The following ADAMTSL3 variants were observed in gnomAD, a reference collection of about 807,000 sequenced individuals.
ADAMTSL3 encodes ADAMTS like 3.
Under a neutral mutation model 201.7 loss-of-function variants are expected in ADAMTSL3, and 128 were observed. That is an observed-to-expected ratio of 0.63 (90% CI 0.55 to 0.73). The LOEUF is 0.73. ADAMTSL3 is among the 30% of genes least tolerant of loss of function. The probability of loss-of-function intolerance (pLI) is 0.00; values close to 1 mark genes in which losing one functional copy is unlikely to be tolerated. For synonymous variants in ADAMTSL3, 738 were observed against 748.4 expected, an observed-to-expected ratio of 0.99 and a Z score of 0.23; for missense variants, 1,990 against 2,119.6, an observed-to-expected ratio of 0.94 and a Z score of 1.20.
intron 4 of ADAMTSL3, among the ~76,000 whole-genome samples, chr15:83,773,940 G>C (rs1022475828): frequency 2.0e-5 from 3 of 152,176 alleles, no homozygotes; most frequent in African/African-American, 7.2e-5. Flanking sequence ...AAGAGTTGGA[G>C]CAAGAGGTCA....
intron 2 of ADAMTSL3, among the ~76,000 whole-genome samples, chr15:83,656,387 A>G (rs762321199): frequency 6.6e-6 from 1 of 152,354 alleles, no homozygotes; most frequent in Non-Finnish European, 1.5e-5. Context: ...ATTGCCTAAG[A>G]GACAATAGAG....
intron 3 of ADAMTSL3, among the ~76,000 whole-genome samples, chr15:83,731,220 A>G (rs1376677987): frequency 1.3e-5 from 2 of 152,030 alleles, no homozygotes; most frequent in African/African-American, 4.8e-5. Flanking sequence ...AGGAAGTGTG[A>G]TGCTTCCAAC....
intron 2 of ADAMTSL3, among the ~76,000 whole-genome samples, chr15:83,686,769 C>G (rs1034527778): frequency 1.3e-5 from 2 of 152,152 alleles, no homozygotes; most frequent in Non-Finnish European, 2.9e-5. Context: ...TAAATCAGTG[C>G]CTTTCCTTCT....
intron 2 of ADAMTSL3, among the ~76,000 whole-genome samples, chr15:83,696,053 G>A (rs1004365097): frequency 6.6e-6 from 1 of 152,140 alleles, no homozygotes; most frequent in African/African-American, 2.4e-5. Flanking sequence ...TAGCCCCTGA[G>A]GCCCCAGAGG....
At chr15:83,940,692 T>C (rs2066543360) in intron 17 of ADAMTSL3, among the ~76,000 whole-genome samples, 1 of 152,238 alleles carries the variant, frequency 6.6e-6, no homozygotes, top group South Asian at 2.1e-4. Flanking sequence ...AATTTGCTTC[T>C]TTTTTATTTA....
At chr15:83,655,409 T>C (rs1364074364) in intron 1 of ADAMTSL3, among the ~76,000 whole-genome samples, 1 of 152,208 alleles carries the variant, frequency 6.6e-6, no homozygotes, top group Non-Finnish European at 1.5e-5. Context: ...CTGTGCTGGC[T>C]TCCTGAGTCA....
At chr15:83,893,196 C>G (rs983689876) in intron 13 of ADAMTSL3, among the ~76,000 whole-genome samples, 2 of 152,162 alleles carry the variant, frequency 1.3e-5, no homozygotes, top group African/African-American at 4.8e-5. Flanking sequence ...CAGAGTCAAT[C>G]AGGAATTATT....
Position 83,892,751 on chromosome 15 carries a change from G to A in ADAMTSL3, c.1330G>A (p.Val444Met), listed in dbSNP as rs1311957619. Residue 444 changes from valine to methionine, a missense_variant, in exon 13 of 30, where the codon GTG (valine) becomes ATG (methionine). Val to Met is a conservative substitution (Grantham distance 21, BLOSUM62 1). Coordinates refer to ENST00000286744, the MANE Select transcript of ADAMTSL3 (RefSeq NM_207517.3). ...AGGAGGGATTCAGAGACGGAGCTTTGTGTGTGTAGAGGAATCCATGCATGG... is the reference window on the plus strand; with the variant it reads ...AGGAGGGATTCAGAGACGGAGCTTTATGTGTGTAGAGGAATCCATGCATGG... ...CGGGIQRRSF[V>M]CVEESMHGEI... is the part of the protein sequence containing the mutation. 6.2e-7 allele frequency: 1 copy of A among 1,614,116 alleles called. No individual in the cohort carries two copies. The highest frequency in any genetic ancestry group is 1.7e-5 in the Admixed American group (1 of 60,012).
intron 4 of ADAMTSL3, among the ~76,000 whole-genome samples, chr15:83,783,161 A>C (rs2063204535): frequency 6.6e-6 from 1 of 151,454 alleles, no homozygotes; most frequent in Non-Finnish European, 1.5e-5. Flanking sequence ...AATGTCCTTG[A>C]ATTGTTCAGA....
intron 2 of ADAMTSL3, among the ~76,000 whole-genome samples, chr15:83,665,407 A>C (rs1245838330): frequency 1.3e-5 from 2 of 152,162 alleles, no homozygotes; most frequent in African/African-American, 4.8e-5. Flanking sequence ...ACTCTTTGAG[A>C]GAGAAACAGG....
At chr15:83,822,255 G>A (rs1441036346) in intron 6 of ADAMTSL3, among the ~76,000 whole-genome samples, 1 of 136,190 alleles carries the variant, frequency 7.3e-6, no homozygotes, top group Non-Finnish European at 1.6e-5. Flanking sequence ...GCTGCTGGGC[G>A]GAGGGGCTCC....
At chr15:83,882,831 G>A (rs2065301595) in intron 9 of ADAMTSL3, among the ~76,000 whole-genome samples, 1 of 152,044 alleles carries the variant, frequency 6.6e-6, no homozygotes, top group African/African-American at 2.4e-5. Flanking sequence ...ATTTTTGTAT[G>A]TGATAACTTT....
At chr15:83,860,962 C>G (rs944272546) in intron 8 of ADAMTSL3, among the ~76,000 whole-genome samples, 3 of 152,302 alleles carry the variant, frequency 2.0e-5, no homozygotes, top group African/African-American at 7.2e-5. Context: ...CGGGTCACTC[C>G]CACCCTAATA....
At chr15:83,866,485 C>T (rs928205760) in intron 8 of ADAMTSL3, among the ~76,000 whole-genome samples, 1 of 152,090 alleles carries the variant, frequency 6.6e-6, no homozygotes, top group Admixed American at 6.5e-5. Flanking sequence ...TGGCAACCAT[C>T]ATTCTCAGCA....
intron 14 of ADAMTSL3, among the ~76,000 whole-genome samples, chr15:83,898,364 A>C (rs898208509): frequency 3.9e-5 from 6 of 152,216 alleles, no homozygotes; most frequent in African/African-American, 1.4e-4. Context: ...AAGGAAGACA[A>C]GAAAGAAGAG....
chr15:83,804,839 T>G lies in ADAMTSL3; in HGVS notation c.363+144T>G, dbSNP rs908111593. 16 of 547,630 alleles carry G rather than the reference T, an allele frequency of 2.9e-5. No individual in the cohort carries two copies. In the African/African-American group the frequency reaches 3.0e-4, roughly 10 times the overall value. The allele number at this position is 547,630 out of a possible 1,614,324, so 33.9% of individuals were successfully genotyped here. ...TATTTCTTTAATTGACAACAGATTT[T>G]GTATATCAAATATCTTCCATTTATA... is the stretch of plus-strand genomic sequence containing the variant. On this transcript the variant is annotated intron_variant, in intron 5 of 29. Transcript: ENST00000286744.
intron 3 of ADAMTSL3, among the ~76,000 whole-genome samples, chr15:83,762,008 C>T (rs1324626379): frequency 1.3e-5 from 2 of 151,858 alleles, no homozygotes; most frequent in African/African-American, 4.8e-5. Flanking sequence ...CTGCAGGGCC[C>T]GTGGTTTCTT....
intron 5 of ADAMTSL3, among the ~76,000 whole-genome samples, chr15:83,808,071 C>G (rs1054833547): frequency 6.6e-6 from 1 of 152,078 alleles, no homozygotes; most frequent in Admixed American, 6.6e-5. Flanking sequence ...TGACGTTGGA[C>G]TGGGTAAGGA....
chr15:83,945,722 C>G (rs1395679587), intron 19 of ADAMTSL3: 1 of 152,106 alleles, frequency 6.6e-6, no homozygotes, highest in Non-Finnish European at 1.5e-5. Context: ...GCGTGATTCT[C>G]CTTGCTACAC....
Sources: gnomAD v4.1 joint callset for allele counts (sites outside exome capture counted in the v4.1 genomes callset) on GRCh38, gnomAD v4.1.1 for gene constraint, MANE v1.5 for transcripts, NCBI Gene and HGNC (gene_info 2026-07-23, HGNC 2026-07-21) for gene names.